COPA: variants seen among roughly 807,000 people sequenced by gnomAD.
COPA encodes the protein coatomer subunit alpha.
Under a neutral mutation model 158.7 loss-of-function variants are expected in COPA, and 10 were observed. The ratio of observed to expected loss-of-function variants is 0.06; its 90% CI spans 0.04 to 0.11. The LOEUF is 0.11. Among genes scored for constraint, COPA ranks in the 10% least tolerant of loss-of-function variants. The pLI, the probability that COPA is intolerant of heterozygous loss-of-function variation, is 1.00. For missense variants in COPA, 1,065 were observed against 1,536.7 expected (o/e 0.69, Z 5.13); for synonymous variants, 462 against 542.8 (o/e 0.85, Z 2.07).
intron 8 of COPA, among the ~76,000 whole-genome samples, chr1:160,319,234 A>G (rs900142944): frequency 6.6e-6 from 1 of 152,110 alleles, no homozygotes; most frequent in Non-Finnish European, 1.5e-5. Flanking sequence ...AGGCGTAGCT[A>G]TACTTACATG....
chr1:160,318,492 C>CAAAAAAAAAAAAAAAAAAAAAAAAAAA (rs1184111001), intron 8 of COPA, among the ~76,000 whole-genome samples: 7 of 58,080 alleles, frequency 1.2e-4, no homozygotes, highest in Admixed American at 2.2e-4. Flanking sequence ...AAAAAAAAAA[C>CAAAAAAAAAAAAAAAAAAAAAAAAAAA]AAAAAAAAAA....
intron 17 of COPA, among the ~76,000 whole-genome samples, chr1:160,299,896 A>G (rs142621186): frequency 6.6e-6 from 1 of 152,186 alleles, no homozygotes; most frequent in African/African-American, 2.4e-5. Flanking sequence ...TAAATAAAAA[A>G]CAAAAACTAC....
At chr1:160,291,036 G>C (rs1658213813) in intron 31 of COPA, among the ~76,000 whole-genome samples, 1 of 152,204 alleles carries the variant, frequency 6.6e-6, no homozygotes, top group Non-Finnish European at 1.5e-5. Context: ...GTGAAGCTTT[G>C]TGGTGGTTGT....
At chr1:160,298,590 G>A (rs1471166720) in intron 19 of COPA, among the ~76,000 whole-genome samples, 1 of 152,182 alleles carries the variant, frequency 6.6e-6, no homozygotes, top group Non-Finnish European at 1.5e-5. Context: ...ATGCCATCTT[G>A]CTTTTATCCT....
intron 11 of COPA, 79 bp from the exon 12 acceptor site, chr1:160,310,337 T>C: frequency 2.7e-6 from 2 of 741,972 alleles, no homozygotes; most frequent in Non-Finnish European, 4.5e-6. Context: ...CCCCCACACC[T>C]CCTACTTATC....
At chr1:160,333,155 C>A (rs1647607534) in intron 5 of COPA, among the ~76,000 whole-genome samples, 1 of 152,224 alleles carries the variant, frequency 6.6e-6, no homozygotes, top group African/African-American at 2.4e-5. Context: ...AACTTCTAAC[C>A]TCAGGTGATT....
Position 160,339,891 on chromosome 1 carries a change from A to G in COPA, c.228+18T>C. ...CATCCTCTTTCCTTTATTCTCAGTT[A>G]TGACAGACCCTCTGTACCTTAATCT... On this transcript the variant is annotated intron_variant, in intron 3 of 32. Transcript: ENST00000241704. 1.2e-6 allele frequency: 2 copies of G among 1,608,844 alleles called. No individual in the cohort carries two copies. Among genetic ancestry groups the G allele is most frequent in the Non-Finnish European group, 1.7e-6 (2 of 1,175,376 alleles).
At chr1:160,325,366 A>G (rs1358537860) in intron 7 of COPA, among the ~76,000 whole-genome samples, 177 bp downstream of exon 7, 1 of 152,206 alleles carries the variant, frequency 6.6e-6, no homozygotes, top group Admixed American at 6.5e-5. Flanking sequence ...CAGGTGGCAC[A>G]TAAGCTTCAT....
At chr1:160,329,297 A>G (rs1193285070) in intron 6 of COPA, among the ~76,000 whole-genome samples, 1 of 152,232 alleles carries the variant, frequency 6.6e-6, no homozygotes. Flanking sequence ...TAGTACAGCA[A>G]GCTAGCACAA....
At chr1:160,339,137 C>CTCCTTATTGGCCCTTATTTA (rs1647919191) in intron 3 of COPA, among the ~76,000 whole-genome samples, 1 of 143,886 alleles carries the variant, frequency 6.9e-6, no homozygotes, top group African/African-American at 3.0e-5. Flanking sequence ...GCCCTTATTT[C>CTCCTTATTGGCCCTTATTTA]TCCTTATTGG....
chr1:160,305,126 C>T (rs530197914), intron 17 of COPA: 399 of 212,020 alleles, frequency 1.9e-3, no homozygotes, highest in Non-Finnish European at 3.2e-3. Context: ...GTTGTGACCA[C>T]GTGGCAAAGG....
intron 13 of COPA, 103 bp downstream of exon 13, chr1:160,308,998 T>G: frequency 3.5e-6 from 3 of 865,050 alleles, no homozygotes; most frequent in Non-Finnish European, 5.8e-6. Flanking sequence ...ACATGAGTGA[T>G]GTGGCCATGG....
intron 19 of COPA, among the ~76,000 whole-genome samples, chr1:160,298,299 C>A (rs1658483195): frequency 6.6e-6 from 1 of 152,070 alleles, no homozygotes; most frequent in Non-Finnish European, 1.5e-5. Context: ...TTTACTTTTA[C>A]AACAAAACCA....
intron 11 of COPA, among the ~76,000 whole-genome samples, chr1:160,311,236 C>T (rs1197688768): frequency 4.7e-5 from 7 of 148,472 alleles, no homozygotes; most frequent in Admixed American, 1.3e-4. Flanking sequence ...GTCAGGAGTT[C>T]GAGGCCAGCC....
chr1:160,310,281 G>A, intron 11 of COPA, 23 bp from the exon 12 acceptor site: 1 of 1,479,738 alleles, frequency 6.8e-7, no homozygotes. Flanking sequence ...ATAGAAAAAG[G>A]AGAAAACAGG....
At chr1:160,315,897 T>C (rs1156641350) in intron 8 of COPA, among the ~76,000 whole-genome samples, 1 of 151,954 alleles carries the variant, frequency 6.6e-6, no homozygotes, top group Non-Finnish European at 1.5e-5. Context: ...AATTAAGAAA[T>C]TTACCAGAGA....
At chr1:160,337,469 C>T (rs1043890271) in intron 3 of COPA, among the ~76,000 whole-genome samples, 1 of 152,176 alleles carries the variant, frequency 6.6e-6, no homozygotes, top group African/African-American at 2.4e-5. Context: ...CCTGTAATCC[C>T]AGCACTTTGG....
At chr1:160,333,219 G>A (rs933316763) in intron 5 of COPA, among the ~76,000 whole-genome samples, 13 of 152,120 alleles carry the variant, frequency 8.5e-5, no homozygotes, top group South Asian at 6.2e-4. Flanking sequence ...CCATGGCGCC[G>A]GGCCAAGGCC....
intron 32 of COPA, 31 bp downstream of exon 32, chr1:160,290,461 C>A: frequency 6.2e-7 from 1 of 1,602,928 alleles, no homozygotes; most frequent in Non-Finnish European, 8.5e-7. Flanking sequence ...CGCTCAATAT[C>A]CTAGATATAT....
Sources: allele counts gnomAD v4.1 joint callset (sites outside exome capture counted in the v4.1 genomes callset), GRCh38; gene constraint gnomAD v4.1.1; transcripts MANE v1.5; gene names NCBI Gene and HGNC (gene_info 2026-07-23, HGNC 2026-07-21).